Variants in DPP4 observed in about 807,000 individuals in gnomAD.
The protein encoded by DPP4 is ADCP-2.
In DPP4, 93 loss-of-function variants were observed where a neutral mutation model predicts 122.4. The observed-to-expected ratio is 0.76, with a 90% CI of 0.64 to 0.90. The LOEUF is 0.90. DPP4 is among the 40% of genes least tolerant of loss of function. The pLI is 0.00. For missense variants in DPP4, 914 were observed against 907.3 expected, an observed-to-expected ratio of 1.01 and a Z score of -0.09; for synonymous variants, 321 against 302.9, an observed-to-expected ratio of 1.06 and a Z score of -0.62.
intron 2 of DPP4, among the ~76,000 whole-genome samples, chr2:162,058,811 C>T (rs1684663272): frequency 6.6e-6 from 1 of 152,160 alleles, no homozygotes; most frequent in Admixed American, 6.5e-5. Context: ...TCCCATAAAA[C>T]TTTCCTTTTA....
At chr2:162,055,790 T>C (rs894083176) in intron 2 of DPP4, among the ~76,000 whole-genome samples, 1 of 152,192 alleles carries the variant, frequency 6.6e-6, no homozygotes, top group Non-Finnish European at 1.5e-5. Context: ...GTTAGGGACA[T>C]AATCATTTTC....
intron 2 of DPP4, among the ~76,000 whole-genome samples, chr2:162,054,372 C>T (rs1193514669): frequency 6.6e-6 from 1 of 152,186 alleles, no homozygotes; most frequent in Non-Finnish European, 1.5e-5. Flanking sequence ...ACTCTGGCCT[C>T]TAGCCTTCTG....
intron 8 of DPP4, among the ~76,000 whole-genome samples, chr2:162,036,329 A>G (rs2106121214): frequency 6.6e-6 from 1 of 152,308 alleles, no homozygotes; most frequent in South Asian, 2.1e-4. Flanking sequence ...ATAATAGCAA[A>G]AATAATTACT....
chr2:162,014,323 T>G, intron 19 of DPP4, 73 bp downstream of exon 19: 1 of 1,282,806 alleles, frequency 7.8e-7, no homozygotes, highest in Non-Finnish European at 1.1e-6. Context: ...GGCTCCATTT[T>G]TCAGTAAGCT....
At chr2:162,015,036 T>A (rs1682861409) in intron 18 of DPP4, among the ~76,000 whole-genome samples, 1 of 152,204 alleles carries the variant, frequency 6.6e-6, no homozygotes, top group African/African-American at 2.4e-5. Flanking sequence ...CTGTATGATC[T>A]CCCACGGGTC....
intron 16 of DPP4, among the ~76,000 whole-genome samples, chr2:162,018,313 C>T (rs1309184322): frequency 6.6e-6 from 1 of 152,190 alleles, no homozygotes; most frequent in African/African-American, 2.4e-5. Context: ...CTTGGCCACT[C>T]CTTGCCTGGG....
At chr2:162,038,807 A>G in intron 7 of DPP4, 142 bp downstream of exon 7, 1 of 744,162 alleles carries the variant, frequency 1.3e-6, no homozygotes, top group South Asian at 1.8e-5. Context: ...CTGCAGACAA[A>G]CATTAGATCC....
At position 162,016,820 on chromosome 2, in the gene DPP4, C is replaced by T; in HGVS notation, c.1515G>A (p.Gln505=). 2 of 1,613,300 alleles carry T rather than the reference C, an allele frequency of 1.2e-6. No individual in the cohort carries two copies. Among genetic ancestry groups the T allele is most frequent in the Non-Finnish European group, 1.7e-6 (2 of 1,179,806 alleles). Residue 505 remains glutamine (Q), a synonymous_variant, in exon 18 of 26, where the codon CAG becomes CAA. Coordinates refer to ENST00000360534, the MANE Select transcript of DPP4 (RefSeq NM_001935.4). ...GTTTTTTGGAGGGCATCTGGACATT[C>T]TGCAGCATTTTATCCAAAGCTGAAT... ...EDNSALDKML[Q]NVQMPSKKLD... is the part of the protein sequence containing the mutation.
At chr2:161,998,716 A>T (rs1301298642) in intron 23 of DPP4, among the ~76,000 whole-genome samples, 1 of 152,172 alleles carries the variant, frequency 6.6e-6, no homozygotes, top group Non-Finnish European at 1.5e-5. Flanking sequence ...GAGTGAATAC[A>T]GGCTGAAAGA....
chr2:162,040,999 A>G (rs1165663776), intron 5 of DPP4, among the ~76,000 whole-genome samples: 1 of 152,104 alleles, frequency 6.6e-6, no homozygotes, highest in African/African-American at 2.4e-5. Context: ...TGAGAAATGC[A>G]ATTTACAAAA....
chr2:162,042,540 T>G (rs1174403902), intron 5 of DPP4, among the ~76,000 whole-genome samples: 4 of 152,132 alleles, frequency 2.6e-5, no homozygotes, highest in African/African-American at 9.7e-5. Context: ...AGACTTTTCT[T>G]TTTTCTAGAT....
chr2:162,020,311 T>G lies in DPP4; in HGVS notation c.1177-15A>C. On this transcript the variant is annotated splice_polypyrimidine_tract_variant and intron_variant, in intron 13 of 25. Coordinates refer to ENST00000360534, the MANE Select transcript of DPP4 (RefSeq NM_001935.4). ...AATGTGCAGTCCTGATGGTTTTTTT[T>G]TTTTTTCAAAAAAAAAAAAAAGATT... The G allele has an allele frequency of 6.5e-7, 1 of 1,537,018 alleles. No individual in the cohort carries two copies. Among genetic ancestry groups the G allele is most frequent in the South Asian group, 1.2e-5 (1 of 82,528 alleles).
intron 23 of DPP4, among the ~76,000 whole-genome samples, chr2:161,999,921 T>A (rs955690460): frequency 5.3e-5 from 8 of 152,138 alleles, no homozygotes; most frequent in African/African-American, 1.9e-4. Flanking sequence ...TATCCCATTA[T>A]CCAGATGAGG....
At chr2:162,024,494 C>A (rs937975251) in intron 11 of DPP4, among the ~76,000 whole-genome samples, 5 of 152,156 alleles carry the variant, frequency 3.3e-5, no homozygotes, top group African/African-American at 1.2e-4. Flanking sequence ...CAGGTGCTGG[C>A]CCTCTTTGGT....
Position 161,995,437 on chromosome 2 carries a change from C to T in DPP4, c.2053-65G>A, listed in dbSNP as rs1037977856. 7.6e-5 allele frequency: 111 copies of T among 1,456,254 alleles called. 1 individual carries two copies. The highest frequency in any genetic ancestry group is 6.1e-5 in the Non-Finnish European group (64 of 1,042,568). 90.2% of individuals were successfully genotyped at this position (1,456,254 alleles called of 1,614,324 possible). A position where few individuals can be genotyped will look rare whatever the true frequency, so the allele number is the denominator to read the frequency against. On this transcript the variant is annotated intron_variant, in intron 23 of 25. Transcript: ENST00000360534. The stretch of plus-strand genomic sequence containing the variant: ...TCTGCCATAAACTGATTTTTCACTT[C>T]AGTTTACAAAATAAAATGTTTTCAG...
At chr2:162,020,323 A>AG in intron 13 of DPP4, 27 bp from the exon 14 acceptor site, 1 of 1,458,624 alleles carries the variant, frequency 6.9e-7, no homozygotes, top group Admixed American at 2.1e-5. Flanking sequence ...TTTTTCAAAA[A>AG]AAAAAAAAAG....
At chr2:162,042,734 A>T (rs1684029364) in intron 5 of DPP4, among the ~76,000 whole-genome samples, 1 of 152,260 alleles carries the variant, frequency 6.6e-6, no homozygotes, top group South Asian at 2.1e-4. Flanking sequence ...GATGTTCAGC[A>T]TCTGCTATGT....
At chr2:162,065,204 T>C (rs1177934413) in intron 2 of DPP4, among the ~76,000 whole-genome samples, 2 of 152,184 alleles carry the variant, frequency 1.3e-5, no homozygotes, top group South Asian at 2.1e-4. Context: ...GCCAGTAAGA[T>C]CTGAAAGTTT....
intron 2 of DPP4, among the ~76,000 whole-genome samples, chr2:162,048,608 TC>T (rs1032033336): frequency 6.6e-6 from 1 of 152,174 alleles, no homozygotes; most frequent in African/African-American, 2.4e-5. Context: ...CTTGGGCTTT[TC>T]CACCTCTGCT....
Sources: allele counts gnomAD v4.1 joint callset (sites outside exome capture counted in the v4.1 genomes callset), GRCh38; gene constraint gnomAD v4.1.1; transcripts MANE v1.5; gene names NCBI Gene and HGNC (gene_info 2026-07-23, HGNC 2026-07-21).